The following PSCA variants were observed in gnomAD, a reference collection of about 807,000 sequenced individuals.
PSCA encodes the protein prostate stem cell antigen.
PSCA carries 7 observed loss-of-function variants against 7.9 expected under a neutral mutation model. The observed-to-expected ratio is 0.89, with a 90% CI of 0.51 to 1.67. The LOEUF is 1.67. Ranked by LOEUF, PSCA falls within the 40% of genes most tolerant of loss-of-function variation. The pLI is 0.00. For missense variants in PSCA, 151 were observed against 147.9 expected (o/e 1.02, Z -0.11); for synonymous variants, 61 against 68.3 (o/e 0.89, Z 0.53).
At chr8:142,680,731 AC>A in intron 1 of PSCA, 168 bp downstream of exon 1, 1 of 905,388 alleles carries the variant, frequency 1.1e-6, no homozygotes, top group Non-Finnish European at 1.7e-6. Context: ...TCTTGGCACG[AC>A]CAGGCAGCGA....
chr8:142,679,451 T>C (rs587664797), upstream of PSCA, among the ~76,000 whole-genome samples: 1 of 152,258 alleles, frequency 6.6e-6, no homozygotes, highest in African/African-American at 2.4e-5. Flanking sequence ...TTTGAAGACA[T>C]TTATTCTGAG....
At chr8:142,676,998 C>T (rs1276102740), upstream of PSCA, among the ~76,000 whole-genome samples, 1 of 152,162 alleles carries the variant, frequency 6.6e-6, no homozygotes, top group East Asian at 1.9e-4. Flanking sequence ...CAGGGATTCG[C>T]CTGTGACCAG....
intron 1 of PSCA, 174 bp from the exon 2 acceptor site, chr8:142,681,153 T>C (rs1236764961): frequency 1.0e-5 from 6 of 581,940 alleles, no homozygotes; most frequent in Non-Finnish European, 1.2e-5. Flanking sequence ...CAGGGCAACA[T>C]TTCGGAGGCA....
At chr8:142,676,335 C>T (rs1847401435), upstream of PSCA, 1 of 152,292 alleles carries the variant, frequency 6.6e-6, no homozygotes, top group South Asian at 2.1e-4. Flanking sequence ...CAGTGGAGGA[C>T]GCTTAGTCAT....
intron 1 of PSCA, 37 bp from the exon 2 acceptor site, chr8:142,681,290 G>A (rs2129873697): frequency 6.7e-7 from 1 of 1,501,314 alleles, no homozygotes; most frequent in East Asian, 2.5e-5. Context: ...GAGTGCTATG[G>A]GGCAGCCTCT....
At chr8:142,678,235 G>A (rs1222905017), upstream of PSCA, among the ~76,000 whole-genome samples, 6 of 152,226 alleles carry the variant, frequency 3.9e-5, no homozygotes, top group East Asian at 5.8e-4. Flanking sequence ...GGGCAAAATC[G>A]AGGAGAGGAG....
In PSCA at chr8:142,682,626, G is replaced by A; in HGVS notation, c.*494G>A. 1 of 355,258 alleles carries A rather than the reference G, an allele frequency of 2.8e-6. No homozygotes were observed. The highest frequency in any genetic ancestry group is 7.4e-5 in the East Asian group (1 of 13,446). The allele number at this position is 355,258 out of a possible 1,614,324, so 22.0% of individuals were successfully genotyped here. On this transcript the variant is annotated 3_prime_UTR_variant, in exon 3 of 3. Transcript: ENST00000301258. ...TGGGAGTCTCCAGAGATGGGGCCTGGAGGCCTGGAGGAAGGGGCCAGGCCT... is the reference window on the plus strand; with the variant it reads ...TGGGAGTCTCCAGAGATGGGGCCTGAAGGCCTGGAGGAAGGGGCCAGGCCT...
chr8:142,680,492 A>C, upstream of PSCA: 1 of 1,551,510 alleles, frequency 6.4e-7, no homozygotes, highest in Middle Eastern at 1.7e-4. Flanking sequence ...GGCCCTCTCC[A>C]CCACAGCCCA....
At chr8:142,677,551 AAC>A (rs1563803960), upstream of PSCA, among the ~76,000 whole-genome samples, 1 of 152,222 alleles carries the variant, frequency 6.6e-6, no homozygotes, top group Non-Finnish European at 1.5e-5. Context: ...TGGCACCTTG[AAC>A]ACAGAGACAG....
At chr8:142,672,072 C>G (rs1554637422) in intron 1 of PSCA, among the ~76,000 whole-genome samples, 1 of 152,112 alleles carries the variant, frequency 6.6e-6, no homozygotes. Flanking sequence ...ATCCAGACTC[C>G]TATGTGCTAG....
chr8:142,679,036 C>G (rs587613109), upstream of PSCA, among the ~76,000 whole-genome samples: 62 of 152,286 alleles, frequency 4.1e-4, no homozygotes, highest in South Asian at 0.012. Flanking sequence ...CGGGCTGGGC[C>G]TGCTCTAGAG....
chr8:142,681,891 G>C, intron 2 of PSCA, 30 bp from the exon 3 acceptor site: 1 of 1,485,194 alleles, frequency 6.7e-7, no homozygotes, highest in Non-Finnish European at 9.1e-7. Flanking sequence ...ACACAGGGCA[G>C]CCCCATCCCC....
At chr8:142,681,656 C>A in intron 2 of PSCA, 1 of 615,282 alleles carries the variant, frequency 1.6e-6, no homozygotes, top group Non-Finnish European at 2.9e-6. Context: ...ATCTTCCACT[C>A]CTCCACCCAT....
rs1554638507 is a variant in PSCA, at chr8:142,682,280, C to T, written c.*148C>T. ...TGACCATGTATGTCTGCGCCCCTGTCCCCCACCCTGACCCTCCCATGGCCC... is the reference window on the plus strand; with the variant it reads ...TGACCATGTATGTCTGCGCCCCTGTTCCCCACCCTGACCCTCCCATGGCCC... On this transcript the variant is annotated 3_prime_UTR_variant, in exon 3 of 3. Transcript: ENST00000301258. 3 of 987,800 alleles carry T rather than the reference C, an allele frequency of 3.0e-6. No homozygotes were observed. Among genetic ancestry groups the T allele is most frequent in the African/African-American group, 3.2e-5 (2 of 62,690 alleles). The allele number at this position is 987,800 out of a possible 1,614,324, so 61.2% of individuals were successfully genotyped here. A position where few individuals can be genotyped will look rare whatever the true frequency, so the allele number is the denominator to read the frequency against.
At chr8:142,678,731 G>A (rs1847427000), upstream of PSCA, among the ~76,000 whole-genome samples, 1 of 64,900 alleles carries the variant, frequency 1.5e-5, no homozygotes, top group Admixed American at 2.3e-4. Flanking sequence ...AGCAGAGCTT[G>A]GGCCTGCTCT....
chr8:142,670,837 A>G (rs1554637312), intron 1 of PSCA, among the ~76,000 whole-genome samples: 1 of 152,206 alleles, frequency 6.6e-6, no homozygotes, highest in Non-Finnish European at 1.5e-5. Flanking sequence ...GGTGAGCCCA[A>G]TGTGCAGTCG....
At chr8:142,676,763 C>G (rs1421881707), upstream of PSCA, 1 of 152,224 alleles carries the variant, frequency 6.6e-6, no homozygotes, top group Non-Finnish European at 1.5e-5. Context: ...AGGGGAATCA[C>G]AATAGAGAAA....
upstream of PSCA, chr8:142,676,703 C>G (rs994193786): frequency 6.6e-6 from 1 of 152,196 alleles, no homozygotes; most frequent in Admixed American, 6.5e-5. Context: ...GTGTGATCAC[C>G]CAGGGGGTTC....
At chr8:142,677,586 A>G (rs1395281472), upstream of PSCA, among the ~76,000 whole-genome samples, 1 of 150,688 alleles carries the variant, frequency 6.6e-6, no homozygotes, top group Non-Finnish European at 1.5e-5. Flanking sequence ...CTTGTGCGGG[A>G]GTGGCCAGAG....
Sources: gnomAD v4.1 joint callset for allele counts (sites outside exome capture counted in the v4.1 genomes callset) on GRCh38, gnomAD v4.1.1 for gene constraint, MANE v1.5 for transcripts, NCBI Gene and HGNC (gene_info 2026-07-23, HGNC 2026-07-21) for gene names.